TTC28: variants seen among roughly 807,000 people sequenced by gnomAD.
TTC28 encodes tetratricopeptide repeat domain 28.
A neutral mutation model predicts 198.0 loss-of-function variants in TTC28; 61 were observed. The ratio of observed to expected loss-of-function variants is 0.31; its 90% CI spans 0.25 to 0.38. TTC28 has a LOEUF of 0.38. TTC28 is among the 10% of genes least tolerant of loss of function. TTC28 has a pLI of 1.00. For missense variants in TTC28, 2,678 were observed against 3,164.0 expected, an observed-to-expected ratio of 0.85 and a Z score of 3.69; for synonymous variants, 1,171 against 1,297.8, an observed-to-expected ratio of 0.90 and a Z score of 2.10.
In TTC28 at chr22:28,107,994, A is replaced by G. The variant is rs1227610859; in HGVS notation, c.1851T>C (p.Tyr617=). Reference sequence around the variant, plus strand: ...CGGGAGCAAGCCGGAGGTACTGTTCATAATAGGGGGCAGCCTGGACATACT... The same window carrying G: ...CGGGAGCAAGCCGGAGGTACTGTTCGTAATAGGGGGCAGCCTGGACATACT... ...RGEYVQAAPY[Y]EQYLRLAPDL... is the part of the protein sequence containing the mutation. The change falls in exon 7 of 23, where the codon TAT becomes TAC. Residue 617 remains tyrosine, a synonymous_variant. Coordinates refer to ENST00000397906, the MANE Select transcript of TTC28 (RefSeq NM_001145418.2). 2.6e-6 allele frequency: 4 copies of G among 1,551,426 alleles called. No homozygotes were observed. The East Asian group carries it at 9.8e-5, about 38-fold the overall frequency.
chr22:28,643,377 G>A lies in TTC28; in HGVS notation c.103-13547C>T, dbSNP rs551407163. On this transcript the variant is annotated intron_variant, in intron 1 of 22. Coordinates refer to ENST00000397906, the MANE Select transcript of TTC28 (RefSeq NM_001145418.2). ...TACATAGAGAAGCTAATATAAGAGT[G>A]TAAGAAAGAACTAGACACACAACAA... 7 of 152,324 alleles carry A rather than the reference G, an allele frequency of 4.6e-5. No homozygotes were observed. In the South Asian group the frequency reaches 1.4e-3, roughly 32 times the overall value. The allele number at this position is 152,324 out of a possible 1,614,324, so 9.4% of individuals were successfully genotyped here. A position where few individuals can be genotyped will look rare whatever the true frequency, so the allele number is the denominator to read the frequency against.
intron 2 of TTC28, among the ~76,000 whole-genome samples, chr22:28,579,200 T>A (rs1439246372): frequency 6.6e-6 from 1 of 150,736 alleles, no homozygotes; most frequent in East Asian, 1.9e-4. Context: ...ACATACATTA[T>A]ATATACACAT....
Position 28,346,181 on chromosome 22 carries a change from G to T in TTC28, c.382-39538C>A, listed in dbSNP as rs552908492. 2.6e-5 allele frequency among the ~76,000 whole-genome samples: 4 copies of T among 152,278 alleles called. No individual in the cohort carries two copies. The East Asian group carries it at 7.7e-4, about 29-fold the overall frequency. On this transcript the variant is annotated intron_variant, in intron 2 of 22. Coordinates refer to ENST00000397906, the MANE Select transcript of TTC28 (RefSeq NM_001145418.2). ...GTAAATAAATTGCCCAAGGCCATAA[G>T]GTAGTTCATAAGGTAGTTAAGATTT...
intron 2 of TTC28, among the ~76,000 whole-genome samples, chr22:28,436,385 T>G (rs1485463677): frequency 6.6e-6 from 1 of 152,174 alleles, no homozygotes; most frequent in African/African-American, 2.4e-5. Flanking sequence ...ACAGCTTCAG[T>G]ACAGGGCTAC....
At chr22:28,155,632 T>A (rs1216815545) in intron 6 of TTC28, among the ~76,000 whole-genome samples, 1 of 152,180 alleles carries the variant, frequency 6.6e-6, no homozygotes, top group Admixed American at 6.5e-5. Flanking sequence ...AGGAATTATA[T>A]GTGGAGGAAA....
intron 2 of TTC28, among the ~76,000 whole-genome samples, chr22:28,450,901 T>C (rs2047768825): frequency 6.6e-6 from 1 of 152,158 alleles, no homozygotes; most frequent in African/African-American, 2.4e-5. Context: ...CTATGATCAC[T>C]CTGGCTTTCT....
At chr22:28,434,059 G>A (rs1193474799) in intron 2 of TTC28, among the ~76,000 whole-genome samples, 1 of 152,032 alleles carries the variant, frequency 6.6e-6, no homozygotes, top group Non-Finnish European at 1.5e-5. Context: ...CAAGCTTTTT[G>A]GGGTTTCTTA....
intron 12 of TTC28, among the ~76,000 whole-genome samples, chr22:28,046,818 C>T (rs1939885179): frequency 6.6e-6 from 1 of 152,138 alleles, no homozygotes; most frequent in Admixed American, 6.5e-5. Flanking sequence ...GCAATATATA[C>T]ACAGGCTGCA....
intron 5 of TTC28, among the ~76,000 whole-genome samples, chr22:28,209,617 G>A (rs2147174417): frequency 6.6e-6 from 1 of 152,314 alleles, no homozygotes; most frequent in South Asian, 2.1e-4. Flanking sequence ...TGAGTCTTGA[G>A]TAGGTAAACA....
chr22:28,236,437 T>C (rs1929255286), intron 5 of TTC28, among the ~76,000 whole-genome samples: 2 of 152,212 alleles, frequency 1.3e-5, no homozygotes, highest in Admixed American at 1.3e-4. Context: ...GAATCTGGAA[T>C]TGGTTCTTTG....
chr22:28,638,009 T>C lies in TTC28; in HGVS notation c.103-8179A>G, dbSNP rs2051303535. On this transcript the variant is annotated intron_variant, in intron 1 of 22. Transcript: ENST00000397906. ...AGGTGAATTCATTAAGAGGGTTTAA[T>C]TATAAATACATATACACCCAAAATC... Among the ~76,000 whole-genome samples the C allele has an allele frequency of 2.0e-5, 3 of 152,188 alleles. No individual in the cohort carries two copies. In the South Asian group the frequency reaches 6.2e-4, roughly 31 times the overall value.
intron 2 of TTC28, among the ~76,000 whole-genome samples, chr22:28,422,051 C>A (rs1421970258): frequency 6.6e-6 from 1 of 151,804 alleles, no homozygotes; most frequent in Non-Finnish European, 1.5e-5. Context: ...CAGTGCATTT[C>A]TCTTTTAAAA....
intron 5 of TTC28, among the ~76,000 whole-genome samples, chr22:28,250,484 T>C (rs894742214): frequency 1.4e-4 from 21 of 152,132 alleles, no homozygotes. Flanking sequence ...GTGGTATCTG[T>C]GGGAGGTTGT....
At chr22:28,192,301 T>C (rs931220108) in intron 5 of TTC28, among the ~76,000 whole-genome samples, 2 of 151,740 alleles carry the variant, frequency 1.3e-5, no homozygotes, top group Non-Finnish European at 2.9e-5. Flanking sequence ...GTCACCATCA[T>C]CAAAGACCAA....
intron 12 of TTC28, among the ~76,000 whole-genome samples, chr22:28,042,194 T>C (rs1044887448): frequency 2.0e-5 from 3 of 152,066 alleles, no homozygotes; most frequent in Non-Finnish European, 4.4e-5. Context: ...GATCTAGAAC[T>C]AGAAATACCG....
intron 12 of TTC28, among the ~76,000 whole-genome samples, chr22:28,062,842 A>G (rs1940606314): frequency 6.6e-6 from 1 of 152,158 alleles, no homozygotes; most frequent in African/African-American, 2.4e-5. Context: ...CATTGAGCAT[A>G]TTTATAATTG....
At chr22:28,536,681 T>C (rs1355466030) in intron 2 of TTC28, among the ~76,000 whole-genome samples, 1 of 152,204 alleles carries the variant, frequency 6.6e-6, no homozygotes, top group Non-Finnish European at 1.5e-5. Flanking sequence ...TGTAATAGTC[T>C]GTCCTTTCTT....
chr22:27,995,712 A>G (rs1256859572), intron 17 of TTC28, among the ~76,000 whole-genome samples: 3 of 152,170 alleles, frequency 2.0e-5, no homozygotes, highest in Non-Finnish European at 2.9e-5. Context: ...TCCAGATGAG[A>G]ACACTGAGGC....
intron 12 of TTC28, among the ~76,000 whole-genome samples, chr22:28,042,843 G>GT (rs1161762752): frequency 6.6e-6 from 1 of 152,184 alleles, no homozygotes; most frequent in East Asian, 1.9e-4. Context: ...GAGAAGCGAT[G>GT]TGAGTCTTTA....
Sources: allele counts gnomAD v4.1 joint callset (sites outside exome capture counted in the v4.1 genomes callset), GRCh38; gene constraint gnomAD v4.1.1; transcripts MANE v1.5; gene names NCBI Gene and HGNC (gene_info 2026-07-23, HGNC 2026-07-21).